Variants in SUMF1 observed in about 807,000 individuals in gnomAD.
The protein encoded by SUMF1 is sulfatase modifying factor 1, also known as formylglycine-generating enzyme.
SUMF1 carries 48 observed loss-of-function variants against 47.6 expected under a neutral mutation model. That is an observed-to-expected ratio of 1.01 (90% CI 0.80 to 1.28). The LOEUF is 1.28. SUMF1 is among the 50% of genes most tolerant of loss of function. SUMF1 has a pLI of 0.00. For missense variants in SUMF1, 571 were observed against 485.4 expected (o/e 1.18, Z -1.66); for synonymous variants, 230 against 192.1 (o/e 1.20, Z -1.63).
intron 8 of SUMF1, among the ~76,000 whole-genome samples, chr3:4,229,840 C>A (rs183577190): frequency 6.6e-5 from 10 of 151,788 alleles, no homozygotes; most frequent in Admixed American, 6.6e-4. Context: ...ATAGCAAGAC[C>A]CTATCTCTAC....
chr3:4,174,865 C>T (rs533881958), intron 8 of SUMF1, among the ~76,000 whole-genome samples: 35 of 152,342 alleles, frequency 2.3e-4, no homozygotes, highest in African/African-American at 8.4e-4. Flanking sequence ...TAGCAACCAG[C>T]AGACAAGGTG....
chr3:4,055,564 T>C (rs1279944663), intron 9 of SUMF1, among the ~76,000 whole-genome samples: 1 of 152,106 alleles, frequency 6.6e-6, no homozygotes, highest in Non-Finnish European at 1.5e-5. Flanking sequence ...CTCACTGTAA[T>C]CTTGAACTCC....
intron 7 of SUMF1, among the ~76,000 whole-genome samples, chr3:4,402,956 C>T (rs757541532): frequency 2.6e-5 from 4 of 152,168 alleles, no homozygotes; most frequent in Admixed American, 6.5e-5. Context: ...ACAAGCTTAA[C>T]GGGAACCATC....
chr3:4,359,343 T>C (rs894570942), downstream of SUMF1, among the ~76,000 whole-genome samples: 1 of 152,046 alleles, frequency 6.6e-6, no homozygotes, highest in African/African-American at 2.4e-5. Flanking sequence ...AGTGGCACAA[T>C]CATAGTTCAC....
intron 8 of SUMF1, among the ~76,000 whole-genome samples, chr3:4,266,874 CTCT>C (rs1390968161): frequency 6.7e-6 from 1 of 148,560 alleles, no homozygotes; most frequent in East Asian, 1.9e-4. Flanking sequence ...TCATAGATAG[CTCT>C]TATTATTTTG....
intron 8 of SUMF1, among the ~76,000 whole-genome samples, chr3:4,271,101 A>C (rs903140778): frequency 6.6e-6 from 1 of 152,220 alleles, no homozygotes; most frequent in African/African-American, 2.4e-5. Flanking sequence ...AAAGTCACTG[A>C]AAGTGCTATA....
chr3:4,398,080 G>A (rs1275645866), intron 7 of SUMF1, among the ~76,000 whole-genome samples: 4 of 152,066 alleles, frequency 2.6e-5, no homozygotes, highest in Non-Finnish European at 5.9e-5. Flanking sequence ...GCTGAGCTAT[G>A]ACTTAAATCC....
chr3:4,082,656 A>G (rs568099008), intron 8 of SUMF1, among the ~76,000 whole-genome samples: 2 of 152,242 alleles, frequency 1.3e-5, no homozygotes, highest in South Asian at 4.1e-4. Context: ...AAAATTATTA[A>G]TCTATTTAAT....
At chr3:4,194,048 T>C (rs1171768600) in intron 8 of SUMF1, among the ~76,000 whole-genome samples, 1 of 152,162 alleles carries the variant, frequency 6.6e-6, no homozygotes, top group East Asian at 1.9e-4. Context: ...TCTACAATTG[T>C]CTATTGCAAC....
Position 4,447,220 on chromosome 3 carries a change from G to A in SUMF1, c.519+2046C>T, listed in dbSNP as rs931130988. ...TTAAAAAAAAAGGAGAATTTATCTCGCTTTTATAACCTGTCATAAATAGAA... is the reference window on the plus strand; with the variant it reads ...TTAAAAAAAAAGGAGAATTTATCTCACTTTTATAACCTGTCATAAATAGAA... On this transcript the variant is annotated intron_variant, in intron 3 of 8. Coordinates refer to ENST00000272902, the MANE Select transcript of SUMF1 (RefSeq NM_182760.4). 5.3e-5 allele frequency among the ~76,000 whole-genome samples: 8 copies of A among 152,126 alleles called. No homozygotes were observed. The East Asian group carries it at 5.8e-4, about 11-fold the overall frequency.
At chr3:4,181,038 A>G (rs370165021) in intron 8 of SUMF1, among the ~76,000 whole-genome samples, 79 of 152,286 alleles carry the variant, frequency 5.2e-4, no homozygotes, top group African/African-American at 1.8e-3. Context: ...GTAAAAATGT[A>G]TCTTATGTAA....
intron 7 of SUMF1, among the ~76,000 whole-genome samples, chr3:4,406,758 A>G (rs182231823): frequency 4.6e-5 from 7 of 152,344 alleles, no homozygotes; most frequent in African/African-American, 1.7e-4. Flanking sequence ...AGGGAAAGAT[A>G]TCACAGATCA....
chr3:4,303,511 G>C (rs1359761233), intron 8 of SUMF1: 2 of 1,439,548 alleles, frequency 1.4e-6, no homozygotes, highest in Non-Finnish European at 1.8e-6. Flanking sequence ...CGGGGGCCGC[G>C]CCGGCGCCCT....
intron 8 of SUMF1, among the ~76,000 whole-genome samples, chr3:4,375,134 C>CAAAAAAAA (rs376228362): frequency 4.1e-5 from 3 of 73,236 alleles, no homozygotes; most frequent in Non-Finnish European, 7.9e-5. Context: ...GACTCTGTCT[C>CAAAAAAAA]AAAAAAAAAA....
chr3:4,102,889 C>T (rs1204941728), intron 8 of SUMF1, among the ~76,000 whole-genome samples: 3 of 146,994 alleles, frequency 2.0e-5, no homozygotes, highest in African/African-American at 7.5e-5. Flanking sequence ...GAGAAAGAGG[C>T]AGAAGAAAAA....
At chr3:4,214,452 C>G (rs1237358987) in intron 8 of SUMF1, among the ~76,000 whole-genome samples, 1 of 152,064 alleles carries the variant, frequency 6.6e-6, no homozygotes, top group Non-Finnish European at 1.5e-5. Context: ...CAAGAGAAAG[C>G]AGGAAAGATC....
chr3:4,389,682 G>A (rs1449224653), intron 7 of SUMF1, among the ~76,000 whole-genome samples: 1 of 152,114 alleles, frequency 6.6e-6, no homozygotes, highest in Non-Finnish European at 1.5e-5. Context: ...CTCAGACTGG[G>A]TAATTTCTTT....
intron 8 of SUMF1, among the ~76,000 whole-genome samples, chr3:4,353,224 C>T (rs956524414): frequency 2.6e-5 from 4 of 152,120 alleles, no homozygotes; most frequent in African/African-American, 9.7e-5. Flanking sequence ...CATAGTGAGA[C>T]CCTCATCTTT....
intron 8 of SUMF1, among the ~76,000 whole-genome samples, chr3:4,155,429 C>T (rs539872609): frequency 6.6e-6 from 1 of 151,550 alleles, no homozygotes; most frequent in East Asian, 1.9e-4. Flanking sequence ...TTTAGGCATG[C>T]GATGTTCTCA....
Sources: allele counts gnomAD v4.1 joint callset (sites outside exome capture counted in the v4.1 genomes callset), GRCh38; gene constraint gnomAD v4.1.1; transcripts MANE v1.5; gene names NCBI Gene and HGNC (gene_info 2026-07-23, HGNC 2026-07-21).